Variants in ZNHIT1 observed in about 807,000 individuals in gnomAD.
ZNHIT1 encodes zinc finger HIT-type containing 1.
A neutral mutation model predicts 21.4 loss-of-function variants in ZNHIT1; 20 were observed. That is an observed-to-expected ratio of 0.93 (90% CI 0.66 to 1.36). ZNHIT1 has a LOEUF of 1.36. Ranked by LOEUF, ZNHIT1 falls within the 40% of genes most tolerant of loss-of-function variation. The probability of loss-of-function intolerance (pLI) is 0.00; values close to 1 mark genes in which losing one functional copy is unlikely to be tolerated. For synonymous variants in ZNHIT1, 79 were observed against 84.0 expected, an observed-to-expected ratio of 0.94 and a Z score of 0.32; for missense variants, 170 against 213.5, an observed-to-expected ratio of 0.80 and a Z score of 1.27.
Position 101,218,201 on chromosome 7 carries a change from G to A in ZNHIT1, c.6G>A (p.Val2=). The A allele has an allele frequency of 6.2e-7, 1 of 1,613,390 alleles. No homozygotes were observed. Among genetic ancestry groups the A allele is most frequent in the Admixed American group, 1.7e-5 (1 of 59,922 alleles). ...CCGACAGTTGTGTTGTGCCAATGGTGGAGAAGAAAACTTCGGGTATGTGAG... is the reference window on the plus strand; with the variant it reads ...CCGACAGTTGTGTTGTGCCAATGGTAGAGAAGAAAACTTCGGGTATGTGAG... The part of the protein sequence containing the change: M[V]EKKTSVRSQD... The change falls in exon 1 of 5, where the codon GTG becomes GTA. Residue 2 remains valine (V), a synonymous_variant. Coordinates refer to ENST00000305105, the MANE Select transcript of ZNHIT1 (RefSeq NM_006349.3).
In ZNHIT1 at chr7:101,218,171, T is replaced by C. The variant is rs11769624; in HGVS notation, c.-25T>C. 0.23 allele frequency: 368,979 copies of C among 1,610,718 alleles called. 42,781 individuals carry two copies. The highest frequency in any genetic ancestry group is 0.28 in the Middle Eastern group (1,724 of 6,050). ...GGGGTTAGTACGCGTGCGCAGCAGT[T>C]TCTTCCGACAGTTGTGTTGTGCCAA... On this transcript the variant is annotated 5_prime_UTR_variant, in exon 1 of 5. Transcript: ENST00000305105.
chr7:101,224,022 T>C lies in ZNHIT1; in HGVS notation c.*64T>C. The C allele has an allele frequency of 6.2e-7, 1 of 1,612,298 alleles. No individual in the cohort carries two copies. Among genetic ancestry groups the C allele is most frequent in the Non-Finnish European group, 8.5e-7 (1 of 1,178,884 alleles). On this transcript the variant is annotated 3_prime_UTR_variant, in exon 5 of 5. Coordinates refer to ENST00000305105, the MANE Select transcript of ZNHIT1 (RefSeq NM_006349.3). ...GCCCGGCCTTCAGAAAGACAGAATT[T>C]CATCACCCAATGCAGGGGGAGCTCT...
At chr7:101,222,060 G>A (rs1264608196) in intron 1 of ZNHIT1, 1 of 153,272 alleles carries the variant, frequency 6.5e-6, no homozygotes, top group Admixed American at 6.5e-5. Context: ...TTGAGGAGGA[G>A]GGGTTGAAGA....
chr7:101,222,195 G>A (rs777820842), intron 1 of ZNHIT1: 58 of 174,914 alleles, frequency 3.3e-4, no homozygotes, highest in Non-Finnish European at 5.8e-4. Context: ...GAAGATGAGC[G>A]TATCCAAGCA....
Position 101,223,689 on chromosome 7 carries a change from AG to A in ZNHIT1, c.293del (p.Gly98AlafsTer5). On this transcript the variant is annotated frameshift_variant, in exon 4 of 5. Coordinates refer to ENST00000305105, the MANE Select transcript of ZNHIT1 (RefSeq NM_006349.3). LOFTEE classifies it high-confidence loss of function. ...LLEEQNLSVA[E>X]GPNYLTACAG... is the part of the protein sequence containing the mutation. ...TCTCTGCAGAACTTGAGTGTGGCCGAGGGCCCTAACTACCTGACGGCCTGTG... is the reference window on the plus strand; with the variant it reads ...TCTCTGCAGAACTTGAGTGTGGCCGAGGCCCTAACTACCTGACGGCCTGTG... 2 of 1,610,760 alleles carry A rather than the reference AG, an allele frequency of 1.2e-6. No homozygotes were observed. The highest frequency in any genetic ancestry group is 8.5e-7 in the Non-Finnish European group (1 of 1,178,228).
intron 1 of ZNHIT1, 154 bp from the exon 2 acceptor site, chr7:101,222,450 C>T (rs1005496263): frequency 4.8e-5 from 41 of 859,618 alleles, no homozygotes; most frequent in Middle Eastern, 3.7e-4. Flanking sequence ...GGGCTTGGCC[C>T]GGGAGGAGAC....
chr7:101,221,736 T>G (rs981382573), intron 1 of ZNHIT1: 3 of 152,556 alleles, frequency 2.0e-5, no homozygotes, highest in African/African-American at 7.3e-5. Context: ...TTCCTGGACA[T>G]GGAGAAGGCC....
chr7:101,218,249 C>T, intron 1 of ZNHIT1, 32 bp downstream of exon 1: 1 of 1,606,188 alleles, frequency 6.2e-7, no homozygotes. Context: ...GCCCCCTTCC[C>T]CTTCCCAAGT....
rs1438612352 is a variant in ZNHIT1, at chr7:101,218,188, T to A, written c.-8T>A. On this transcript the variant is annotated 5_prime_UTR_variant, in exon 1 of 5. In the 5' UTR this introduces an upstream ATG that the reference lacks. Transcript: ENST00000305105. ...GCAGCAGTTTCTTCCGACAGTTGTGTTGTGCCAATGGTGGAGAAGAAAACT... is the reference window on the plus strand; with the variant it reads ...GCAGCAGTTTCTTCCGACAGTTGTGATGTGCCAATGGTGGAGAAGAAAACT... The A allele has an allele frequency of 2.5e-6, 4 of 1,613,120 alleles. No individual in the cohort carries two copies. In the Admixed American group the frequency reaches 5.0e-5, roughly 20 times the overall value.
At position 101,223,993 on chromosome 7, in the gene ZNHIT1, C is replaced by T; in HGVS notation, c.*35C>T. On this transcript the variant is annotated 3_prime_UTR_variant, in exon 5 of 5. Transcript: ENST00000305105. The stretch of plus-strand genomic sequence containing the variant: ...TTCCCAGAGAGGAAGGGCCGCTGTG[C>T]ACTGCCCGGCCTTCAGAAAGACAGA... 2 of 1,614,130 alleles carry T rather than the reference C, an allele frequency of 1.2e-6. No homozygotes were observed. The highest frequency in any genetic ancestry group is 1.7e-6 in the Non-Finnish European group (2 of 1,180,016).
rs180988652 is a variant in ZNHIT1 at position 101,223,078 on chromosome 7, G to A, written c.193+304G>A. ...GCTGGTAGCGAGGGGCCGACTTAGA[G>A]CCAGGAGGGCAGGGCCAGGTGTGGT... is the stretch of plus-strand genomic sequence containing the variant. On this transcript the variant is annotated intron_variant, in intron 2 of 4. Coordinates refer to ENST00000305105, the MANE Select transcript of ZNHIT1 (RefSeq NM_006349.3). 2.0e-5 allele frequency among the ~76,000 whole-genome samples: 3 copies of A among 152,264 alleles called. No individual in the cohort carries two copies. The East Asian group carries it at 5.8e-4, about 29-fold the overall frequency.
intron 1 of ZNHIT1, chr7:101,220,006 G>C (rs556979361): frequency 2.0e-5 from 3 of 151,408 alleles, no homozygotes; most frequent in Non-Finnish European, 4.4e-5. Context: ...CCACTGGACT[G>C]TAAGCTTTGG....
In ZNHIT1 at chr7:101,222,643, G is replaced by A; in HGVS notation, c.62G>A (p.Arg21Gln). 5.6e-6 allele frequency: 9 copies of A among 1,613,410 alleles called. No individual in the cohort carries two copies. The highest frequency in any genetic ancestry group is 7.6e-6 in the Non-Finnish European group (9 of 1,179,732). Residue 21 changes from arginine to glutamine, a missense_variant, in exon 2 of 5, where the codon CGG (arginine) becomes CAG (glutamine). Transcript: ENST00000305105. ...QDPGQRRVLDRAARQRRINRQ... is the reference protein window; with the variant it reads ...QDPGQRRVLDQAARQRRINRQ... Reference sequence around the variant, plus strand: ...CCCGGGCAGCGGCGGGTGCTGGACCGGGCTGCCCGGCAGCGTCGCATCAAC... The same window carrying A: ...CCCGGGCAGCGGCGGGTGCTGGACCAGGCTGCCCGGCAGCGTCGCATCAAC...
At chr7:101,218,256 A>C (rs768898870) in intron 1 of ZNHIT1, 39 bp downstream of exon 1, 11 of 1,598,354 alleles carry the variant, frequency 6.9e-6, no homozygotes, top group South Asian at 1.1e-5. Context: ...TCCCCTTCCC[A>C]AGTCAGTCCT....
chr7:101,222,283 G>C (rs767769919), intron 1 of ZNHIT1: 16 of 330,410 alleles, frequency 4.8e-5, no homozygotes, highest in Non-Finnish European at 7.2e-5. Flanking sequence ...GCCCAGGACA[G>C]CCTGGAAGCC....
chr7:101,223,864 C>T (rs765513959), intron 4 of ZNHIT1, 22 bp downstream of exon 4: 9 of 1,614,044 alleles, frequency 5.6e-6, no homozygotes, highest in Admixed American at 5.0e-5. Flanking sequence ...ACCTGCTGTC[C>T]ACTCCCACTC....
In ZNHIT1 at chr7:101,224,001, G is replaced by C; in HGVS notation, c.*43G>C. The C allele has an allele frequency of 1.9e-6, 3 of 1,613,916 alleles. No individual in the cohort carries two copies. The highest frequency in any genetic ancestry group is 2.5e-6 in the Non-Finnish European group (3 of 1,179,946). On this transcript the variant is annotated 3_prime_UTR_variant, in exon 5 of 5. Coordinates refer to ENST00000305105, the MANE Select transcript of ZNHIT1 (RefSeq NM_006349.3). ...GAGGAAGGGCCGCTGTGCACTGCCC[G>C]GCCTTCAGAAAGACAGAATTTCATC... is the stretch of plus-strand genomic sequence containing the variant.
rs942758839 is a variant in ZNHIT1 at position 101,224,096 on chromosome 7, T to C, written c.*138T>C. 7.4e-7 allele frequency: 1 copy of C among 1,356,106 alleles called. No individual in the cohort carries two copies. The highest frequency in any genetic ancestry group is 1.0e-6 in the Non-Finnish European group (1 of 974,022). 84.0% of individuals were successfully genotyped at this position (1,356,106 alleles called of 1,614,324 possible). On this transcript the variant is annotated 3_prime_UTR_variant, in exon 5 of 5. Coordinates refer to ENST00000305105, the MANE Select transcript of ZNHIT1 (RefSeq NM_006349.3). ...TCATTCACCCAACAAAACTGTGTCT[T>C]ATCTGCCAGGAAAGACCAGCCTCAC...
intron 2 of ZNHIT1, among the ~76,000 whole-genome samples, chr7:101,223,110 C>T (rs1798400259): frequency 1.3e-5 from 2 of 152,114 alleles, no homozygotes; most frequent in South Asian, 4.1e-4. Context: ...TGGTGGCTCA[C>T]GCCTGTAATC....
Sources: gnomAD v4.1 joint callset for allele counts (sites outside exome capture counted in the v4.1 genomes callset) on GRCh38, gnomAD v4.1.1 for gene constraint, MANE v1.5 for transcripts, NCBI Gene and HGNC (gene_info 2026-07-23, HGNC 2026-07-21) for gene names.